TUT4: variants seen among roughly 807,000 people sequenced by gnomAD.
TUT4 encodes terminal uridylyltransferase 4.
Under a neutral mutation model 192.2 loss-of-function variants are expected in TUT4, and 36 were observed. The observed-to-expected ratio is 0.19, with a 90% confidence interval of 0.14 to 0.25. The LOEUF is 0.25. TUT4 is among the 10% of genes least tolerant of loss of function. The pLI, the probability that TUT4 is intolerant of heterozygous loss-of-function variation, is 1.00. For synonymous variants in TUT4, 618 were observed against 666.0 expected (o/e 0.93, Z 1.11); for missense variants, 1,493 against 1,957.2 (o/e 0.76, Z 4.47).
chr1:52,436,952 T>G lies in TUT4; in HGVS notation c.3965A>C (p.Lys1322Thr), dbSNP rs879636613. Reference protein sequence around the residue: ...KSSLLFRLKKKDSEEEKEGNE... With the variant: ...KSSLLFRLKKTDSEEEKEGNE... The stretch of plus-strand genomic sequence containing the variant: ...CCCTTCCTTCTCTTCTTCACTGTCT[T>G]TCTTCTTTAGTCTAAACAGTAAACT... Residue 1322 changes from lysine (K) to threonine (T), a missense_variant, in exon 26 of 30, where the codon AAA becomes ACA. By Grantham distance (78) the Lys-to-Thr change is moderately conservative (BLOSUM62 -1). Coordinates refer to ENST00000257177, the MANE Select transcript of TUT4 (RefSeq NM_001009881.3). The G allele has an allele frequency of 6.2e-7, 1 of 1,613,860 alleles. No homozygotes were observed. Among genetic ancestry groups the G allele is most frequent in the Non-Finnish European group, 8.5e-7 (1 of 1,179,980 alleles).
At chr1:52,431,793 C>G (rs1272328155) in intron 27 of TUT4, 1 of 172,474 alleles carries the variant, frequency 5.8e-6, no homozygotes, top group African/African-American at 2.4e-5. Context: ...CAATTATGTA[C>G]TAAGTATTGT....
Position 52,497,000 on chromosome 1 carries a change from T to C in TUT4, c.1177+6A>G, listed in dbSNP as rs747945536. ...TTTCAAAATCAAATATGAAATGTAT[T>C]TCTACCTGGTAAAAATGTCGTTATA... On this transcript the variant is annotated splice_donor_region_variant and intron_variant, in intron 5 of 29. Transcript: ENST00000257177. The C allele has an allele frequency of 2.2e-5, 36 of 1,611,734 alleles. No homozygotes were observed. The highest frequency in any genetic ancestry group is 1.5e-4 in the South Asian group (14 of 90,384).
At chr1:52,481,976 G>T in intron 9 of TUT4, 53 bp from the exon 10 acceptor site, 1 of 1,394,876 alleles carries the variant, frequency 7.2e-7, no homozygotes, top group Non-Finnish European at 9.4e-7. Flanking sequence ...TAATTTTCAT[G>T]ATAAAAGTAG....
At chr1:52,511,291 T>C (rs1411794253) in intron 3 of TUT4, among the ~76,000 whole-genome samples, 10 of 152,186 alleles carry the variant, frequency 6.6e-5, no homozygotes, top group Non-Finnish European at 2.9e-5. Context: ...AAAAATTCTG[T>C]CAAATCAGTT....
intron 3 of TUT4, among the ~76,000 whole-genome samples, chr1:52,513,829 A>C (rs956576004): frequency 6.6e-6 from 1 of 152,180 alleles, no homozygotes; most frequent in African/African-American, 2.4e-5. Context: ...TTAAAACGTC[A>C]GGTACTAGAT....
At chr1:52,508,540 A>G (rs1309400674) in intron 4 of TUT4, among the ~76,000 whole-genome samples, 4 of 152,176 alleles carry the variant, frequency 2.6e-5, no homozygotes, top group Non-Finnish European at 5.9e-5. Flanking sequence ...ACTCAGAAAC[A>G]AAAATAACTA....
At chr1:52,445,000 T>C (rs1657071714) in intron 24 of TUT4, among the ~76,000 whole-genome samples, 1 of 147,876 alleles carries the variant, frequency 6.8e-6, no homozygotes, top group Non-Finnish European at 1.5e-5. Flanking sequence ...TGTATATACA[T>C]GTATGTGTGT....
At chr1:52,503,659 T>C (rs925775087) in intron 4 of TUT4, among the ~76,000 whole-genome samples, 2 of 152,150 alleles carry the variant, frequency 1.3e-5, no homozygotes, top group African/African-American at 2.4e-5. Flanking sequence ...GCTCAAGCAA[T>C]CCTCCCACCT....
intron 1 of TUT4, among the ~76,000 whole-genome samples, chr1:52,528,484 C>A (rs1469586144): frequency 7.1e-6 from 1 of 140,410 alleles, no homozygotes; most frequent in South Asian, 2.2e-4. Context: ...GAGTGAGACC[C>A]TGTCTCAAAA....
Position 52,423,912 on chromosome 1 carries a change from A to C in TUT4, c.*23T>G, listed in dbSNP as rs1648863991. ...GCTGGTTGCTGTGCATCGGTAGACC[A>C]GCTGAAAGAAAATGGACTCGCATTA... is the stretch of plus-strand genomic sequence containing the variant. On this transcript the variant is annotated 3_prime_UTR_variant, in exon 30 of 30. Coordinates refer to ENST00000257177, the MANE Select transcript of TUT4 (RefSeq NM_001009881.3). The C allele has an allele frequency of 6.2e-7, 1 of 1,610,722 alleles. No homozygotes were observed. The highest frequency in any genetic ancestry group is 8.5e-7 in the Non-Finnish European group (1 of 1,178,478).
At chr1:52,542,350 T>G (rs1161996843) in intron 1 of TUT4, among the ~76,000 whole-genome samples, 1 of 152,114 alleles carries the variant, frequency 6.6e-6, no homozygotes, top group African/African-American at 2.4e-5. Context: ...AGGCTTAAAA[T>G]GAAAATAGTA....
intron 4 of TUT4, among the ~76,000 whole-genome samples, chr1:52,498,876 G>A (rs1673190799): frequency 1.9e-5 from 2 of 106,228 alleles, no homozygotes; most frequent in South Asian, 3.3e-4. Context: ...GACAGAGCAA[G>A]ACTCCATTAC....
intron 14 of TUT4, among the ~76,000 whole-genome samples, chr1:52,468,812 G>T (rs1664902762): frequency 6.6e-6 from 1 of 151,786 alleles, no homozygotes; most frequent in Admixed American, 6.6e-5. Flanking sequence ...TTGTCCTTTT[G>T]GTTTTCTAGT....
intron 28 of TUT4, among the ~76,000 whole-genome samples, chr1:52,429,668 T>G (rs1218170476): frequency 2.0e-5 from 3 of 151,928 alleles, no homozygotes; most frequent in Non-Finnish European, 4.4e-5. Context: ...CTCAACTCAC[T>G]GCAACCTCTC....
intron 20 of TUT4, among the ~76,000 whole-genome samples, chr1:52,455,256 C>T (rs749634490): frequency 3.7e-4 from 56 of 151,854 alleles, no homozygotes; most frequent in Non-Finnish European, 6.2e-4. Flanking sequence ...TGTAATCTAG[C>T]GTGGACAACA....
chr1:52,451,710 G>A (rs187778681), intron 20 of TUT4, among the ~76,000 whole-genome samples: 1 of 152,116 alleles, frequency 6.6e-6, no homozygotes, highest in East Asian at 1.9e-4. Context: ...GGGTATGGTG[G>A]CGGGCACCTG....
At chr1:52,522,786 C>T (rs577249913) in intron 2 of TUT4, among the ~76,000 whole-genome samples, 16 of 151,758 alleles carry the variant, frequency 1.1e-4, no homozygotes, top group African/African-American at 2.9e-4. Context: ...ATTAGCTGGG[C>T]GTGGTGGCAG....
At chr1:52,502,650 CCTCT>C (rs531635429) in intron 4 of TUT4, among the ~76,000 whole-genome samples, 118 of 135,836 alleles carry the variant, frequency 8.7e-4, no homozygotes, top group African/African-American at 3.3e-3. Flanking sequence ...GATCTCACTC[CCTCT>C]GTCACCCAGG....
At position 52,525,663 on chromosome 1, in the gene TUT4, C is replaced by T. The variant is rs746652580; in HGVS notation, c.618G>A (p.Leu206=). The T allele has an allele frequency of 1.2e-6, 2 of 1,614,144 alleles. No individual in the cohort carries two copies. The highest frequency in any genetic ancestry group is 2.2e-5 in the South Asian group (2 of 91,080). ...GCTTCTGAGATCGTGGTGAGTTTTG[C>T]AGAGCACATTTTTCTCCCCCTACAG... The part of the protein sequence containing the change: ...IEAVGGEKCA[L]QNSPRSQKQQ... The change falls in exon 2 of 30, where the codon CTG becomes CTA. Residue 206 remains leucine (L), a synonymous_variant. Transcript: ENST00000257177.
Sources: gnomAD v4.1 joint callset for allele counts (sites outside exome capture counted in the v4.1 genomes callset) on GRCh38, gnomAD v4.1.1 for gene constraint, MANE v1.5 for transcripts, NCBI Gene and HGNC (gene_info 2026-07-23, HGNC 2026-07-21) for gene names.